Variants in OPRM1 observed in about 807,000 individuals in gnomAD.
OPRM1 encodes the protein opioid receptor mu 1.
Under a neutral mutation model 31.8 loss-of-function variants are expected in OPRM1, and 27 were observed. The ratio of observed to expected loss-of-function variants is 0.85; its 90% CI spans 0.63 to 1.17. The LOEUF (loss-of-function observed/expected upper bound fraction) is 1.17. Among genes scored for constraint, OPRM1 ranks in the 50% most tolerant of loss-of-function variants. OPRM1 has a pLI of 0.00. For missense variants in OPRM1, 536 were observed against 511.1 expected, an observed-to-expected ratio of 1.05 and a Z score of -0.47; for synonymous variants, 196 against 189.9, an observed-to-expected ratio of 1.03 and a Z score of -0.26.
intron 3 of OPRM1, among the ~76,000 whole-genome samples, chr6:154,223,434 A>C (rs1779018211): frequency 6.6e-6 from 1 of 152,168 alleles, no homozygotes; most frequent in African/African-American, 2.4e-5. Flanking sequence ...TCTCCTGATA[A>C]GTCACCCAGA....
intron 3 of OPRM1, chr6:154,107,575 T>G: frequency 1.4e-6 from 1 of 718,572 alleles, no homozygotes; most frequent in Non-Finnish European, 2.6e-6. Flanking sequence ...GCATTAATTT[T>G]GAGTTTGCAA....
intron 3 of OPRM1, among the ~76,000 whole-genome samples, chr6:154,117,634 C>T (rs1797009863): frequency 2.0e-5 from 3 of 152,226 alleles, no homozygotes; most frequent in East Asian, 1.9e-4. Context: ...GTGCTGTGCT[C>T]GCCTGTGCTT....
chr6:154,232,864 G>T (rs1334340272), intron 3 of OPRM1, among the ~76,000 whole-genome samples: 3 of 151,174 alleles, frequency 2.0e-5, no homozygotes, highest in African/African-American at 4.9e-5. Context: ...AGAAATCCAA[G>T]AATTTATTAT....
intron 3 of OPRM1, among the ~76,000 whole-genome samples, chr6:154,160,514 C>T (rs1237525233): frequency 6.6e-6 from 1 of 152,168 alleles, no homozygotes; most frequent in Non-Finnish European, 1.5e-5. Context: ...TAATAAATCA[C>T]ATTTATTTAA....
intron 3 of OPRM1, among the ~76,000 whole-genome samples, chr6:154,169,686 T>C (rs1395431117): frequency 6.6e-6 from 1 of 152,192 alleles, no homozygotes; most frequent in African/African-American, 2.4e-5. Flanking sequence ...AACCACACTT[T>C]GCCAGCCTCG....
intron 1 of OPRM1, among the ~76,000 whole-genome samples, chr6:154,059,151 T>A (rs1359720457): frequency 1.3e-5 from 2 of 152,188 alleles, no homozygotes; most frequent in African/African-American, 4.8e-5. Context: ...AGGCTCTACC[T>A]TGTGGAAATC....
At position 154,230,530 on chromosome 6, in the gene OPRM1, G is replaced by A. The variant is rs575269351; in HGVS notation, c.1165-16163G>A. ...GAAAATATACAAAATTACTTCTTAG[G>A]TACCTACACATGTCAGAAAAGCAGA... is the stretch of plus-strand genomic sequence containing the variant. On this transcript the variant is annotated intron_variant, in intron 3 of 3. Coordinates refer to the OPRM1 transcript ENST00000337049. Among the ~76,000 whole-genome samples the A allele has an allele frequency of 1.1e-4, 17 of 152,228 alleles. No individual in the cohort carries two copies. The South Asian group carries it at 3.5e-3, about 32-fold the overall frequency.
At chr6:154,062,311 A>G (rs1424463277) in intron 1 of OPRM1, among the ~76,000 whole-genome samples, 5 of 152,154 alleles carry the variant, frequency 3.3e-5, no homozygotes, top group Non-Finnish European at 2.9e-5. Context: ...TTTTCCTATT[A>G]AAAGAATAGT....
chr6:154,061,718 T>G (rs905463434), intron 1 of OPRM1, among the ~76,000 whole-genome samples: 2 of 151,862 alleles, frequency 1.3e-5, no homozygotes, highest in African/African-American at 2.4e-5. Flanking sequence ...TATCAGGCAC[T>G]ATGCTCACTA....
At chr6:154,093,429 G>A (rs758764267) in intron 3 of OPRM1, 26 of 1,613,774 alleles carry the variant, frequency 1.6e-5, no homozygotes, top group Non-Finnish European at 2.2e-5. Flanking sequence ...GTCTGGTGGA[G>A]CATTTCTCCT....
chr6:154,200,540 T>C (rs1776980197), intron 3 of OPRM1, among the ~76,000 whole-genome samples: 1 of 151,856 alleles, frequency 6.6e-6, no homozygotes, highest in African/African-American at 2.4e-5. Flanking sequence ...GGCCAGTATG[T>C]TGAAACCCCA....
Position 154,118,683 on chromosome 6 carries a change from C to G in OPRM1, c.1165C>G (p.Leu389Val). Residue 389 changes from leucine to valine, a missense_variant and splice_region_variant, in exon 4 of 4, where the codon CTA becomes GTA. Leu to Val is a conservative substitution (Grantham distance 32). Coordinates refer to ENST00000330432, the MANE Select transcript of OPRM1 (RefSeq NM_000914.5). ...ANTVDRTNHQ[L>V]ENLEAETAPL... ...GTCTTTGCTCTTTCTCTCCTTTCAG[C>G]TAGAAAATCTGGAAGCAGAAACTGC... 1 of 1,613,192 alleles carries G rather than the reference C, an allele frequency of 6.2e-7. No homozygotes were observed. The highest frequency in any genetic ancestry group is 8.5e-7 in the Non-Finnish European group (1 of 1,179,472).
At chr6:154,080,665 A>G (rs1788885903) in intron 1 of OPRM1, among the ~76,000 whole-genome samples, 1 of 152,150 alleles carries the variant, frequency 6.6e-6, no homozygotes, top group Non-Finnish European at 1.5e-5. Flanking sequence ...GCACAGAGCC[A>G]TCCCATCTGC....
rs531420560 is a variant in OPRM1 at position 154,022,229 on chromosome 6, T to C, written c.-1+11211T>C. ...GATGCTTTTTCTGCATCTGTTGATA[T>C]GATCATGTGATTTTCCTTCTTTAGC... On this transcript the variant is annotated intron_variant, in intron 1 of 5. Coordinates refer to the OPRM1 transcript ENST00000434900. 5.9e-5 allele frequency among the ~76,000 whole-genome samples: 9 copies of C among 152,352 alleles called. No individual in the cohort carries two copies. The South Asian group carries it at 1.9e-3, about 32-fold the overall frequency.
chr6:154,094,464 A>G (rs1192357169), intron 3 of OPRM1: 1 of 359,096 alleles, frequency 2.8e-6, no homozygotes, highest in East Asian at 7.4e-5. Flanking sequence ...TATTTAGTTT[A>G]CAATTCTGTA....
At position 154,150,564 on chromosome 6, in the gene OPRM1, A is replaced by G. The variant is rs1296473922; in HGVS notation, c.1164+59092A>G. ...CCTGCCTCATGGGAACCCTCTGGGT[A>G]GTTTTGAAGACTGGGGGCTTGGAGC... On this transcript the variant is annotated intron_variant, in intron 3 of 3. Transcript: ENST00000337049. 2.6e-5 allele frequency among the ~76,000 whole-genome samples: 4 copies of G among 152,222 alleles called. No individual in the cohort carries two copies. In the East Asian group the frequency reaches 7.7e-4, roughly 29 times the overall value.
Position 154,091,061 on chromosome 6 carries a change from C to T in OPRM1, c.753C>T (p.Thr251=), listed in dbSNP as rs762355741. ...TCATTATGCCAGTGCTCATCATTAC[C>T]GTGTGCTATGGACTGATGATCTTGC... ...FAFIMPVLII[T]VCYGLMILRL... The change falls in exon 3 of 4, where the codon ACC becomes ACT. Residue 251 remains threonine (T), a synonymous_variant. Coordinates refer to ENST00000330432, the MANE Select transcript of OPRM1 (RefSeq NM_000914.5). The T allele has an allele frequency of 5.6e-6, 9 of 1,613,978 alleles. No homozygotes were observed. Among genetic ancestry groups the T allele is most frequent in the Admixed American group, 3.3e-5 (2 of 59,996 alleles).
intron 1 of OPRM1, among the ~76,000 whole-genome samples, chr6:154,012,476 A>G (rs1777782520): frequency 6.6e-6 from 1 of 152,022 alleles, no homozygotes; most frequent in African/African-American, 2.4e-5. Flanking sequence ...GTGTCATTCT[A>G]TTTTCCGAGC....
At chr6:154,017,445 T>C (rs1009028021) in intron 1 of OPRM1, among the ~76,000 whole-genome samples, 4 of 152,150 alleles carry the variant, frequency 2.6e-5, no homozygotes, top group Non-Finnish European at 5.9e-5. Flanking sequence ...CAGGCGTACA[T>C]GAGATCAGGG....
Sources: gnomAD v4.1 joint callset for allele counts (sites outside exome capture counted in the v4.1 genomes callset) on GRCh38, gnomAD v4.1.1 for gene constraint, MANE v1.5 for transcripts, NCBI Gene and HGNC (gene_info 2026-07-23, HGNC 2026-07-21) for gene names.